The following BIN3 variants were observed in gnomAD, a reference collection of about 807,000 sequenced individuals.
BIN3 encodes the protein bridging integrator 3.
BIN3 carries 41 observed loss-of-function variants against 38.2 expected under a neutral mutation model. The observed-to-expected ratio is 1.07, with a 90% CI of 0.84 to 1.39. The LOEUF is 1.39. Ranked by LOEUF, BIN3 falls within the 40% of genes most tolerant of loss-of-function variation. BIN3 has a pLI of 0.00. For synonymous variants in BIN3, 145 were observed against 122.6 expected, an observed-to-expected ratio of 1.18 and a Z score of -1.21; for missense variants, 361 against 324.3, an observed-to-expected ratio of 1.11 and a Z score of -0.87.
Position 22,636,582 on chromosome 8 carries a change from C to A in BIN3, c.103G>T (p.Glu35Ter). Residue 35 changes from glutamate to a stop codon, truncating the protein, a stop_gained, in exon 4 of 9, where the codon GAA becomes TAA. Transcript: ENST00000276416. LOFTEE classifies it high-confidence loss of function. ...EREYGKLQQL[E>*]EQTRRLQKDM... ...TTCTGCAGCCTCCGGGTCTGCTCTT[C>A]CAGCCTGCAAGGCAGGGGACGGGCT... 1.3e-6 allele frequency: 2 copies of A among 1,552,116 alleles called. No homozygotes were observed. Among genetic ancestry groups the A allele is most frequent in the South Asian group, 1.2e-5 (1 of 84,084 alleles).
At chr8:22,622,491 C>T (rs997665683) in intron 8 of BIN3, 1 of 152,494 alleles carries the variant, frequency 6.6e-6, no homozygotes, top group African/African-American at 2.4e-5. Flanking sequence ...CCCACCCTGC[C>T]CCCACTCCCT....
In BIN3 at chr8:22,639,860, A is replaced by AT. The variant is rs1802485570; in HGVS notation, c.58-2899_58-2898insA. On this transcript the variant is annotated intron_variant, in intron 2 of 8. Transcript: ENST00000276416. ...TGCCCTAGCTCCCTTTACTAGACAC[A>AT]CTTTTTTTTTTTTCTTTTGAGGCGG... Among the ~76,000 whole-genome samples the AT allele has an allele frequency of 3.8e-5, 5 of 129,878 alleles. No homozygotes were observed. In the Admixed American group the frequency reaches 4.2e-4, roughly 11 times the overall value. The allele number at this position is 129,878 out of a possible 152,430, so 85.2% of individuals were successfully genotyped here. A position where few individuals can be genotyped will look rare whatever the true frequency, so the allele number is the denominator to read the frequency against.
intron 1 of BIN3, among the ~76,000 whole-genome samples, chr8:22,659,411 G>A (rs1803160092): frequency 6.6e-6 from 1 of 152,230 alleles, no homozygotes. Flanking sequence ...TTGGCGGTTT[G>A]TGACTTGGAC....
At chr8:22,634,464 T>C (rs1289657753) in intron 4 of BIN3, 1 of 456,120 alleles carries the variant, frequency 2.2e-6, no homozygotes, top group African/African-American at 2.0e-5. Flanking sequence ...GCTTTCCTTT[T>C]GTGATCAGTG....
At chr8:22,652,237 T>C (rs1802925189) in intron 1 of BIN3, among the ~76,000 whole-genome samples, 3 of 152,226 alleles carry the variant, frequency 2.0e-5, no homozygotes, top group Admixed American at 2.0e-4. Flanking sequence ...GGATGTGTGG[T>C]AATTCTTGGT....
chr8:22,640,105 C>T (rs1374163061), intron 2 of BIN3, among the ~76,000 whole-genome samples: 5 of 152,124 alleles, frequency 3.3e-5, no homozygotes, highest in Non-Finnish European at 7.4e-5. Context: ...CAGGTGATCC[C>T]CCCCGCCTCG....
At chr8:22,621,746 A>G (rs528240918) in intron 8 of BIN3, among the ~76,000 whole-genome samples, 178 bp from the exon 9 acceptor site, 15 of 152,248 alleles carry the variant, frequency 9.9e-5, no homozygotes, top group African/African-American at 3.6e-4. Context: ...AACCAAAAGG[A>G]GCCGGGGAGC....
intron 1 of BIN3, among the ~76,000 whole-genome samples, chr8:22,660,951 C>T (rs954851083): frequency 1.3e-5 from 2 of 152,176 alleles, no homozygotes; most frequent in African/African-American, 4.8e-5. Context: ...GTGGTGTGAT[C>T]ATAGCTCGCC....
chr8:22,635,846 G>A (rs1016266466), intron 4 of BIN3, among the ~76,000 whole-genome samples: 2 of 152,184 alleles, frequency 1.3e-5, no homozygotes, highest in East Asian at 3.9e-4. Flanking sequence ...GCTGCTCGTC[G>A]CCTCCTTCCT....
At chr8:22,642,737 G>A (rs1802602871) in intron 2 of BIN3, among the ~76,000 whole-genome samples, 1 of 152,198 alleles carries the variant, frequency 6.6e-6, no homozygotes, top group African/African-American at 2.4e-5. Flanking sequence ...AGAGGTTAAG[G>A]AACTTGCCCA....
intron 6 of BIN3, chr8:22,625,475 A>C (rs1801975081): frequency 1.4e-6 from 1 of 699,156 alleles, no homozygotes; most frequent in Non-Finnish European, 2.6e-6. Context: ...AGTTACTGAG[A>C]CTGGGATCAT....
chr8:22,624,360 G>GA lies in BIN3; in HGVS notation c.341dup (p.Gly115ArgfsTer32). On this transcript the variant is annotated frameshift_variant, in exon 7 of 9. Transcript: ENST00000276416. LOFTEE classifies it high-confidence loss of function. Reference sequence around the variant, plus strand: ...TGTTGAGGCTCGGGAAGACACTGCCGAACCTGTGGGACAAGCTGGCTGGAG... The same window carrying GA: ...TGTTGAGGCTCGGGAAGACACTGCCGAAACCTGTGGGACAAGCTGGCTGGAG... 6.2e-7 allele frequency: 1 copy of GA among 1,611,728 alleles called. No individual in the cohort carries two copies. The highest frequency in any genetic ancestry group is 1.1e-5 in the South Asian group (1 of 90,790).
chr8:22,667,879 A>G (rs1366884266), intron 1 of BIN3, among the ~76,000 whole-genome samples: 3 of 152,226 alleles, frequency 2.0e-5, no homozygotes, highest in Non-Finnish European at 4.4e-5. Context: ...ACTGACTGAT[A>G]TCAGCTGCTT....
intron 3 of BIN3, 100 bp from the exon 4 acceptor site, chr8:22,636,686 G>T: frequency 1.6e-6 from 2 of 1,284,784 alleles, no homozygotes; most frequent in Non-Finnish European, 2.2e-6. Flanking sequence ...AGGAGAAAGG[G>T]ATCTTCTCCA....
chr8:22,649,253 C>T (rs140932486), intron 1 of BIN3, among the ~76,000 whole-genome samples: 109 of 152,330 alleles, frequency 7.2e-4, no homozygotes, highest in African/African-American at 2.6e-3. Flanking sequence ...GCTACCCCAC[C>T]TATATGGAAT....
At chr8:22,623,413 T>C (rs1801904325) in intron 8 of BIN3, among the ~76,000 whole-genome samples, 1 of 152,318 alleles carries the variant, frequency 6.6e-6, no homozygotes, top group South Asian at 2.1e-4. Context: ...GCAGCCCTGA[T>C]TGTGGCTCTC....
intron 1 of BIN3, among the ~76,000 whole-genome samples, chr8:22,663,598 C>T (rs1442571608): frequency 6.6e-6 from 1 of 152,134 alleles, no homozygotes; most frequent in African/African-American, 2.4e-5. Flanking sequence ...CTTCAATTTC[C>T]AAAAGCCTAG....
chr8:22,629,385 A>G (rs1427825840), intron 6 of BIN3, among the ~76,000 whole-genome samples: 1 of 152,202 alleles, frequency 6.6e-6, no homozygotes, highest in African/African-American at 2.4e-5. Flanking sequence ...GGACCGAGGG[A>G]ATAGGCCTGT....
chr8:22,659,610 C>T (rs985315121), intron 1 of BIN3, among the ~76,000 whole-genome samples: 12 of 152,162 alleles, frequency 7.9e-5, no homozygotes, highest in Admixed American at 2.6e-4. Flanking sequence ...GCTGATACAT[C>T]CGTTTATTTG....
Sources: gnomAD v4.1 joint callset for allele counts (sites outside exome capture counted in the v4.1 genomes callset) on GRCh38, gnomAD v4.1.1 for gene constraint, MANE v1.5 for transcripts, NCBI Gene and HGNC (gene_info 2026-07-23, HGNC 2026-07-21) for gene names.